The following LRRK1 variants were observed in gnomAD, a reference collection of about 807,000 sequenced individuals.
The protein encoded by LRRK1 is leucine rich repeat kinase 1.
LRRK1 carries 113 observed loss-of-function variants against 209.1 expected under a neutral mutation model. That is an observed-to-expected ratio of 0.54 (90% confidence interval 0.46 to 0.63). The LOEUF (loss-of-function observed/expected upper bound fraction) is 0.63. Ranked by LOEUF, LRRK1 falls within the 30% of genes least tolerant of loss-of-function variation. The probability of loss-of-function intolerance (pLI) is 0.00; values close to 1 mark genes in which losing one functional copy is unlikely to be tolerated. For synonymous variants in LRRK1, 1,144 were observed against 1,099.7 expected (o/e 1.04, Z -0.80); for missense variants, 2,284 against 2,632.2 (o/e 0.87, Z 2.89).
At position 101,068,654 on chromosome 15, in the gene LRRK1, C is replaced by T; in HGVS notation, c.5871-17C>T. 6.4e-7 allele frequency: 1 copy of T among 1,559,812 alleles called. No homozygotes were observed. Among genetic ancestry groups the T allele is most frequent in the Non-Finnish European group, 8.7e-7 (1 of 1,149,830 alleles). On this transcript the variant is annotated splice_polypyrimidine_tract_variant and intron_variant, in intron 33 of 33. Transcript: ENST00000388948. The stretch of plus-strand genomic sequence containing the variant: ...GGGAACCCCTGTGAGTTTCCTCAGA[C>T]CCCCTTCTCTCTGCAGGGTGCTGGT...
chr15:101,002,034 G>C (rs1481238459), intron 6 of LRRK1, among the ~76,000 whole-genome samples: 1 of 152,202 alleles, frequency 6.6e-6, no homozygotes, highest in East Asian at 1.9e-4. Context: ...CCCTGGGCTG[G>C]GGTGCCAGCC....
At chr15:101,058,809 T>C (rs369540304) in intron 29 of LRRK1, among the ~76,000 whole-genome samples, 2 of 151,386 alleles carry the variant, frequency 1.3e-5, no homozygotes, top group Non-Finnish European at 2.9e-5. Context: ...TCAAGAGTTA[T>C]GGTTTCAGGT....
intron 2 of LRRK1, among the ~76,000 whole-genome samples, chr15:100,956,228 G>A (rs1020994197): frequency 6.6e-6 from 1 of 151,782 alleles, no homozygotes; most frequent in Non-Finnish European, 1.5e-5. Context: ...TAGGTAGTAT[G>A]TTTCTAAGAA....
chr15:101,026,217 G>A (rs531435043), intron 17 of LRRK1, 80 bp downstream of exon 17: 1 of 1,426,764 alleles, frequency 7.0e-7, no homozygotes, highest in Non-Finnish European at 9.7e-7. Context: ...CTTGCAGAGA[G>A]CTCCTGAGTC....
Position 100,988,808 on chromosome 15 carries a change from A to G in LRRK1, c.608A>G (p.Lys203Arg). 1 of 1,596,978 alleles carries G rather than the reference A, an allele frequency of 6.3e-7. No individual in the cohort carries two copies. Among genetic ancestry groups the G allele is most frequent in the East Asian group, 2.2e-5 (1 of 44,614 alleles). The change falls in exon 5 of 34, where the codon AAG (lysine) becomes AGG (arginine). Residue 203 changes from lysine (K) to arginine (R), a missense_variant. By Grantham distance (26) the Lys-to-Arg change is conservative. Coordinates refer to ENST00000388948, the MANE Select transcript of LRRK1 (RefSeq NM_024652.6). ...IVRLPLYAAI[K>R]SGNEDIAIFL... ...CGCTTGCCCCTGTATGCGGCCATCAAGTCAGGTGGGTTTCCCCACTACCCT... is the reference window on the plus strand; with the variant it reads ...CGCTTGCCCCTGTATGCGGCCATCAGGTCAGGTGGGTTTCCCCACTACCCT...
chr15:100,997,897 C>G (rs998115287), intron 6 of LRRK1, among the ~76,000 whole-genome samples: 1 of 152,204 alleles, frequency 6.6e-6, no homozygotes, highest in Non-Finnish European at 1.5e-5. Context: ...ACCAACATGT[C>G]TGCTGGGTGC....
At chr15:101,052,258 C>G (rs1404030602) in intron 24 of LRRK1, among the ~76,000 whole-genome samples, 4 of 152,218 alleles carry the variant, frequency 2.6e-5, no homozygotes, top group African/African-American at 4.8e-5. Context: ...GAGCTGCTCT[C>G]TCCTGAGCTG....
In LRRK1 at chr15:101,056,889, G is replaced by A. The variant is rs1408511714; in HGVS notation, c.4366G>A (p.Glu1456Lys). The change falls in exon 28 of 34, where the codon GAG becomes AAG. Residue 1456 changes from glutamate to lysine, a missense_variant. Physicochemically the swap from Glu to Lys is moderately conservative, Grantham distance 56. Coordinates refer to ENST00000388948, the MANE Select transcript of LRRK1 (RefSeq NM_024652.6). ...GTTCTCCTATGGAATGGTGCTCTAC[G>A]AGTTGCTGTCAGGACAGCGCCCTGC... Reference protein sequence around the residue: ...DMFSYGMVLYELLSGQRPALG... With the variant: ...DMFSYGMVLYKLLSGQRPALG... 3 of 1,613,002 alleles carry A rather than the reference G, an allele frequency of 1.9e-6. No homozygotes were observed. Among genetic ancestry groups the A allele is most frequent in the African/African-American group, 1.3e-5 (1 of 74,872 alleles).
chr15:101,061,510 C>T (rs543460966), intron 30 of LRRK1, among the ~76,000 whole-genome samples: 5 of 152,302 alleles, frequency 3.3e-5, no homozygotes, highest in East Asian at 1.9e-4. Context: ...GGCTGGAGGC[C>T]GGGATTTGCG....
chr15:100,983,503 T>C (rs764435428), intron 3 of LRRK1, 25 bp from the exon 4 acceptor site: 27 of 1,554,390 alleles, frequency 1.7e-5, no homozygotes, highest in Middle Eastern at 4.1e-4. Flanking sequence ...CCAGTCTCAC[T>C]GGAGCCCTGT....
At chr15:101,063,579 T>C (rs150034951) in intron 31 of LRRK1, among the ~76,000 whole-genome samples, 358 of 152,328 alleles carry the variant, frequency 2.4e-3, no homozygotes, top group African/African-American at 8.0e-3. Flanking sequence ...TGTCTGTGCA[T>C]AGGCGCCCTC....
At chr15:100,981,789 C>T (rs980909258) in intron 3 of LRRK1, among the ~76,000 whole-genome samples, 1 of 152,224 alleles carries the variant, frequency 6.6e-6, no homozygotes, top group African/African-American at 2.4e-5. Context: ...CAGCATCTGG[C>T]ACCTGGTGAG....
chr15:101,004,201 G>A (rs2032835902), intron 6 of LRRK1, among the ~76,000 whole-genome samples: 1 of 152,148 alleles, frequency 6.6e-6, no homozygotes, highest in African/African-American at 2.4e-5. Flanking sequence ...CATCGCTATA[G>A]ATCAGAGGCT....
At chr15:100,951,255 A>T (rs2042646056) in intron 2 of LRRK1, among the ~76,000 whole-genome samples, 1 of 152,212 alleles carries the variant, frequency 6.6e-6, no homozygotes, top group Admixed American at 6.5e-5. Flanking sequence ...CTTCACACCC[A>T]ACAGAAAGGA....
At chr15:101,043,642 GAC>G (rs2034889528) in intron 20 of LRRK1, 1 of 151,940 alleles carries the variant, frequency 6.6e-6, no homozygotes, top group African/African-American at 2.4e-5. Flanking sequence ...GCCTGAACAA[GAC>G]CATCAGTGTG....
intron 6 of LRRK1, 118 bp from the exon 7 acceptor site, chr15:101,008,719 G>A: frequency 1.3e-6 from 1 of 780,808 alleles, no homozygotes; most frequent in Non-Finnish European, 2.1e-6. Flanking sequence ...GGCCTCTTGG[G>A]ACCCGGGCTG....
intron 2 of LRRK1, among the ~76,000 whole-genome samples, chr15:100,942,463 G>T (rs930245050): frequency 3.9e-5 from 6 of 152,098 alleles, no homozygotes; most frequent in African/African-American, 1.4e-4. Context: ...CTTACAAAAT[G>T]GTGAGTCCGA....
intron 2 of LRRK1, among the ~76,000 whole-genome samples, chr15:100,941,368 C>CTGTGTCTCTGTGTG (rs2042415616): frequency 3.8e-5 from 1 of 26,126 alleles, no homozygotes; most frequent in African/African-American, 2.3e-4. Context: ...GTGTGTGTGC[C>CTGTGTCTCTGTGTG]TGTATGTGTG....
At chr15:100,996,756 T>C (rs982117945) in intron 6 of LRRK1, among the ~76,000 whole-genome samples, 11 of 152,220 alleles carry the variant, frequency 7.2e-5, no homozygotes, top group African/African-American at 2.7e-4. Flanking sequence ...GTTCATGTCG[T>C]CCTGCTGGAT....
Sources: allele counts gnomAD v4.1 joint callset (sites outside exome capture counted in the v4.1 genomes callset), GRCh38; gene constraint gnomAD v4.1.1; transcripts MANE v1.5; gene names NCBI Gene and HGNC (gene_info 2026-07-23, HGNC 2026-07-21).